The following FOXP1 variants were observed in gnomAD, a reference collection of about 807,000 sequenced individuals.
FOXP1 encodes forkhead box P1.
A neutral mutation model predicts 98.2 loss-of-function variants in FOXP1; 15 were observed. The observed-to-expected ratio is 0.15, with a 90% confidence interval of 0.10 to 0.24. FOXP1 has a LOEUF of 0.24. FOXP1 is among the 10% of genes least tolerant of loss of function. The pLI is 1.00. For synonymous variants in FOXP1, 371 were observed against 314.5 expected (o/e 1.18, Z -1.90); for missense variants, 633 against 848.5 (o/e 0.75, Z 3.15).
chr3:71,385,838 C>T (rs555207784), intron 3 of FOXP1, among the ~76,000 whole-genome samples: 13 of 152,164 alleles, frequency 8.5e-5, no homozygotes, highest in Non-Finnish European at 1.6e-4. Flanking sequence ...ATGTACCAGT[C>T]TCACTCTTTC....
At chr3:71,149,632 A>T (rs1310031645) in intron 6 of FOXP1, among the ~76,000 whole-genome samples, 2 of 152,160 alleles carry the variant, frequency 1.3e-5, no homozygotes, top group Non-Finnish European at 2.9e-5. Context: ...GTTTGCTATT[A>T]AAAAAAGACA....
intron 3 of FOXP1, among the ~76,000 whole-genome samples, chr3:71,400,637 C>T (rs1016156777): frequency 6.6e-6 from 1 of 152,154 alleles, no homozygotes; most frequent in African/African-American, 2.4e-5. Flanking sequence ...GGATCAATGC[C>T]TGAGCCACCA....
At chr3:71,026,782 A>AT (rs1393803294) in intron 11 of FOXP1, among the ~76,000 whole-genome samples, 3 of 152,188 alleles carry the variant, frequency 2.0e-5, no homozygotes, top group Non-Finnish European at 4.4e-5. Flanking sequence ...TGCCAGGAGT[A>AT]TTTATGTGGC....
chr3:71,240,665 C>T (rs1315533286), intron 5 of FOXP1, among the ~76,000 whole-genome samples: 3 of 151,840 alleles, frequency 2.0e-5, no homozygotes, highest in Non-Finnish European at 4.4e-5. Flanking sequence ...GCCTCAGGTC[C>T]CGAGTAGCTG....
intron 3 of FOXP1, among the ~76,000 whole-genome samples, chr3:71,367,837 G>A (rs1385494522): frequency 2.0e-5 from 3 of 152,152 alleles, no homozygotes; most frequent in African/African-American, 7.2e-5. Context: ...ATGATGGCTA[G>A]TGGTAATGGA....
intron 5 of FOXP1, among the ~76,000 whole-genome samples, chr3:71,209,265 A>T (rs1047317581): frequency 2.0e-5 from 3 of 152,250 alleles, no homozygotes; most frequent in African/African-American, 7.2e-5. Flanking sequence ...AACAGCTTTA[A>T]AACACTATAA....
At chr3:71,530,112 C>A (rs1042710039) in intron 2 of FOXP1, among the ~76,000 whole-genome samples, 3 of 152,128 alleles carry the variant, frequency 2.0e-5, no homozygotes, top group African/African-American at 7.2e-5. Context: ...TGTTGGAGAA[C>A]TGGTTAGTGC....
chr3:70,978,472 G>A (rs2038075618), intron 14 of FOXP1, among the ~76,000 whole-genome samples: 1 of 150,302 alleles, frequency 6.7e-6, no homozygotes. Flanking sequence ...CTGAAGAAGT[G>A]TCCAGCAGAA....
intron 7 of FOXP1, among the ~76,000 whole-genome samples, chr3:71,102,048 A>T (rs1434654764): frequency 6.6e-6 from 1 of 152,212 alleles, no homozygotes; most frequent in Non-Finnish European, 1.5e-5. Flanking sequence ...AATGACTAGT[A>T]TTCAGTCCCT....
intron 2 of FOXP1, among the ~76,000 whole-genome samples, chr3:71,508,813 GA>G (rs2042005216): frequency 6.6e-6 from 1 of 152,172 alleles, no homozygotes; most frequent in Non-Finnish European, 1.5e-5. Context: ...ACCTGCCTTG[GA>G]ATTCCAGCTC....
chr3:71,288,655 G>C (rs2072426486), intron 5 of FOXP1, among the ~76,000 whole-genome samples: 1 of 152,148 alleles, frequency 6.6e-6, no homozygotes, highest in South Asian at 2.1e-4. Context: ...CAAACCATCA[G>C]ATTAGAGAAC....
At chr3:71,401,612 C>T (rs1052487418) in intron 3 of FOXP1, among the ~76,000 whole-genome samples, 2 of 152,102 alleles carry the variant, frequency 1.3e-5, no homozygotes, top group African/African-American at 2.4e-5. Flanking sequence ...TTCTGTTAGC[C>T]TCTTAAAAGG....
At chr3:70,976,818 G>C in intron 17 of FOXP1, 123 bp downstream of exon 17, 1 of 722,796 alleles carries the variant, frequency 1.4e-6, no homozygotes, top group Non-Finnish European at 2.5e-6. Flanking sequence ...CTAGAGATTG[G>C]ACACTTTAAG....
chr3:71,031,404 C>A (rs558484510), intron 11 of FOXP1, among the ~76,000 whole-genome samples: 1 of 152,136 alleles, frequency 6.6e-6, no homozygotes, highest in Non-Finnish European at 1.5e-5. Flanking sequence ...TGTTTGTTTA[C>A]CAAACAAGAA....
chr3:71,493,082 T>C (rs2091178878), intron 3 of FOXP1, among the ~76,000 whole-genome samples: 1 of 150,340 alleles, frequency 6.7e-6, no homozygotes, highest in South Asian at 2.1e-4. Context: ...AAAAAATTGT[T>C]GTCTTATTTC....
At chr3:71,028,127 T>A (rs1285599017) in intron 11 of FOXP1, among the ~76,000 whole-genome samples, 1 of 152,182 alleles carries the variant, frequency 6.6e-6, no homozygotes, top group Non-Finnish European at 1.5e-5. Context: ...ATGAATGAAA[T>A]TAAGGCCAAA....
At chr3:71,386,004 C>G (rs1282921250) in intron 3 of FOXP1, among the ~76,000 whole-genome samples, 1 of 152,210 alleles carries the variant, frequency 6.6e-6, no homozygotes, top group Non-Finnish European at 1.5e-5. Flanking sequence ...CCTTCCCAGC[C>G]TGCCCTCTCT....
At chr3:71,396,982 G>GTTTA in intron 3 of FOXP1, among the ~76,000 whole-genome samples, 1 of 42,742 alleles carries the variant, frequency 2.3e-5, no homozygotes, top group Admixed American at 2.1e-4. Context: ...ATATATATAT[G>GTTTA]TGTATATATA....
chr3:71,015,631 G>T lies in FOXP1; in HGVS notation c.892C>A (p.His298Asn), dbSNP rs1576175292. The T allele has an allele frequency of 6.2e-7, 1 of 1,612,040 alleles. No homozygotes were observed. Among genetic ancestry groups the T allele is most frequent in the East Asian group, 2.2e-5 (1 of 44,822 alleles). ...RESLSHEEHP[H>N]SHPLYGHGVC... ...CCATGTCCATAGAGAGGATGGCTAT[G>T]GGGGTGCTCCTCATGGGACAAACTG... Residue 298 changes from histidine to asparagine, a missense_variant, in exon 12 of 21, where the codon CAT becomes AAT. Coordinates refer to ENST00000649528, the MANE Select transcript of FOXP1 (RefSeq NM_001349338.3).
Sources: allele counts gnomAD v4.1 joint callset (sites outside exome capture counted in the v4.1 genomes callset), GRCh38; gene constraint gnomAD v4.1.1; transcripts MANE v1.5; gene names NCBI Gene and HGNC (gene_info 2026-07-23, HGNC 2026-07-21).